Variants in TEAD1 observed in about 807,000 individuals in gnomAD.
TEAD1 encodes TEA domain transcription factor 1.
TEAD1 carries 9 observed loss-of-function variants against 54.9 expected under a neutral mutation model. The ratio of observed to expected loss-of-function variants is 0.16; its 90% CI spans 0.10 to 0.29. The LOEUF is 0.29. TEAD1 is among the 10% of genes least tolerant of loss of function. TEAD1 has a pLI of 1.00. For missense variants in TEAD1, 387 were observed against 535.9 expected (o/e 0.72, Z 2.74); for synonymous variants, 200 against 187.8 (o/e 1.07, Z -0.53).
At chr11:12,755,615 G>A (rs538400430) in intron 2 of TEAD1, among the ~76,000 whole-genome samples, 2 of 152,278 alleles carry the variant, frequency 1.3e-5, no homozygotes, top group South Asian at 2.1e-4. Flanking sequence ...CAGTTGGGAC[G>A]TTTGCTCTCT....
chr11:12,910,008 T>A (rs773350280), intron 10 of TEAD1, among the ~76,000 whole-genome samples: 6 of 152,158 alleles, frequency 3.9e-5, no homozygotes, highest in Non-Finnish European at 5.9e-5. Context: ...GAAAGAGGGA[T>A]GTCCACCCAC....
intron 3 of TEAD1, among the ~76,000 whole-genome samples, chr11:12,794,811 G>A (rs1461798691): frequency 6.6e-6 from 1 of 152,222 alleles, no homozygotes; most frequent in Non-Finnish European, 1.5e-5. Context: ...GAGGCCAGAT[G>A]CCTGGACACA....
At chr11:12,853,104 G>A (rs748971899) in intron 3 of TEAD1, among the ~76,000 whole-genome samples, 1 of 152,144 alleles carries the variant, frequency 6.6e-6, no homozygotes, top group Non-Finnish European at 1.5e-5. Context: ...TACACTCCAT[G>A]TCTAGCACAT....
At chr11:12,687,922 G>A (rs2133819848) in intron 2 of TEAD1, among the ~76,000 whole-genome samples, 1 of 152,306 alleles carries the variant, frequency 6.6e-6, no homozygotes, top group African/African-American at 2.4e-5. Flanking sequence ...CTCTAGGTGG[G>A]TGTAGTGGGT....
At chr11:12,874,128 T>A (rs889052918) in intron 5 of TEAD1, among the ~76,000 whole-genome samples, 1 of 152,258 alleles carries the variant, frequency 6.6e-6, no homozygotes, top group African/African-American at 2.4e-5. Context: ...GTTTGGAATA[T>A]ATTGATTATG....
At chr11:12,758,481 G>A (rs754504125) in intron 2 of TEAD1, among the ~76,000 whole-genome samples, 1 of 145,480 alleles carries the variant, frequency 6.9e-6, no homozygotes, top group Non-Finnish European at 1.5e-5. Context: ...CGCAATCTCA[G>A]CTTACTGCAA....
chr11:12,851,389 T>A (rs1307016781), intron 3 of TEAD1, among the ~76,000 whole-genome samples: 1 of 152,228 alleles, frequency 6.6e-6, no homozygotes, highest in East Asian at 1.9e-4. Flanking sequence ...CACAAAAAAT[T>A]ACTATGCGAT....
intron 5 of TEAD1, among the ~76,000 whole-genome samples, chr11:12,874,713 C>T (rs1415155553): frequency 1.3e-5 from 2 of 152,054 alleles, no homozygotes; most frequent in African/African-American, 4.8e-5. Flanking sequence ...TCAGTTGGAC[C>T]GTTTGTTCTT....
At chr11:12,806,213 C>T (rs1441002475) in intron 3 of TEAD1, among the ~76,000 whole-genome samples, 1 of 152,136 alleles carries the variant, frequency 6.6e-6, no homozygotes, top group East Asian at 1.9e-4. Context: ...GAGGCCTGCC[C>T]CCTTCTCTTC....
At chr11:12,913,381 TCA>T (rs1948652902) in intron 10 of TEAD1, among the ~76,000 whole-genome samples, 1 of 152,248 alleles carries the variant, frequency 6.6e-6, no homozygotes, top group African/African-American at 2.4e-5. Context: ...ATGCCTGTGG[TCA>T]GCCAGATCCC....
At chr11:12,797,172 A>G (rs1945949094) in intron 3 of TEAD1, among the ~76,000 whole-genome samples, 1 of 152,234 alleles carries the variant, frequency 6.6e-6, no homozygotes. Context: ...GGGAAGCACT[A>G]GTATCCCAGA....
intron 2 of TEAD1, among the ~76,000 whole-genome samples, chr11:12,716,779 TC>T (rs1944072214): frequency 6.6e-6 from 1 of 152,238 alleles, no homozygotes; most frequent in African/African-American, 2.4e-5. Context: ...AAACCATTCT[TC>T]CTTCATGGGC....
At chr11:12,792,318 T>G (rs1163323447) in intron 3 of TEAD1, among the ~76,000 whole-genome samples, 1 of 44,096 alleles carries the variant, frequency 2.3e-5, no homozygotes, top group Admixed American at 2.4e-4. Context: ...AAAGATAATA[T>G]AAAAATATCA....
At chr11:12,783,805 G>A (rs1282894196) in intron 3 of TEAD1, among the ~76,000 whole-genome samples, 1 of 152,204 alleles carries the variant, frequency 6.6e-6, no homozygotes, top group Non-Finnish European at 1.5e-5. Context: ...CATGTGGGAT[G>A]TCTAGAAGGG....
intron 2 of TEAD1, among the ~76,000 whole-genome samples, chr11:12,723,197 G>A (rs1342399956): frequency 6.6e-6 from 1 of 152,164 alleles, no homozygotes; most frequent in African/African-American, 2.4e-5. Flanking sequence ...ACCAATTTCA[G>A]CATCTTGGCT....
chr11:12,852,867 G>A (rs1263535096), intron 3 of TEAD1, among the ~76,000 whole-genome samples: 3 of 152,232 alleles, frequency 2.0e-5, no homozygotes, highest in Non-Finnish European at 4.4e-5. Flanking sequence ...CTGATTGTGG[G>A]CGGTTCCCTG....
At chr11:12,738,528 A>G (rs1944582506) in intron 2 of TEAD1, among the ~76,000 whole-genome samples, 1 of 152,192 alleles carries the variant, frequency 6.6e-6, no homozygotes, top group African/African-American at 2.4e-5. Flanking sequence ...TAGCCCCGGG[A>G]TACCAGAAGG....
chr11:12,824,071 C>T (rs1319489123), intron 3 of TEAD1, among the ~76,000 whole-genome samples: 1 of 152,034 alleles, frequency 6.6e-6, no homozygotes, highest in Non-Finnish European at 1.5e-5. Flanking sequence ...TCTGCATTTC[C>T]AACTTCTTCA....
At chr11:12,890,996 C>A (rs2134112508) in intron 9 of TEAD1, among the ~76,000 whole-genome samples, 1 of 152,242 alleles carries the variant, frequency 6.6e-6, no homozygotes, top group Non-Finnish European at 1.5e-5. Flanking sequence ...AACTCCTGAC[C>A]TCAAATGATT....
Sources: allele counts gnomAD v4.1 joint callset (sites outside exome capture counted in the v4.1 genomes callset), GRCh38; gene constraint gnomAD v4.1.1; transcripts MANE v1.5; gene names NCBI Gene and HGNC (gene_info 2026-07-23, HGNC 2026-07-21).